The following NCOA7 variants were observed in gnomAD, a reference collection of about 807,000 sequenced individuals.
NCOA7 encodes 140 kDa estrogen receptor-associated protein.
A neutral mutation model predicts 104.3 loss-of-function variants in NCOA7; 45 were observed. The ratio of observed to expected loss-of-function variants is 0.43; its 90% CI spans 0.34 to 0.55. The LOEUF (loss-of-function observed/expected upper bound fraction) is 0.55. Ranked by LOEUF, NCOA7 falls within the 20% of genes least tolerant of loss-of-function variation. The pLI, the probability that NCOA7 is intolerant of heterozygous loss-of-function variation, is 0.02. For synonymous variants in NCOA7, 398 were observed against 402.3 expected, an observed-to-expected ratio of 0.99 and a Z score of 0.13; for missense variants, 1,041 against 1,119.7, an observed-to-expected ratio of 0.93 and a Z score of 1.00.
chr6:125,828,475 A>T (rs182998818), intron 2 of NCOA7, among the ~76,000 whole-genome samples: 6 of 152,312 alleles, frequency 3.9e-5, no homozygotes, highest in African/African-American at 1.4e-4. Flanking sequence ...CTTTTGGGAA[A>T]TCGGCTGGGA....
At chr6:125,794,736 CT>C (rs534146558) in intron 1 of NCOA7, among the ~76,000 whole-genome samples, 2 of 152,004 alleles carry the variant, frequency 1.3e-5, no homozygotes, top group Non-Finnish European at 2.9e-5. Flanking sequence ...TTTTACAAAA[CT>C]TTTTTTTAAA....
intron 8 of NCOA7, among the ~76,000 whole-genome samples, chr6:125,887,728 C>T (rs1784360002): frequency 6.6e-6 from 1 of 152,106 alleles, no homozygotes; most frequent in African/African-American, 2.4e-5. Flanking sequence ...AAAGTTTTAT[C>T]TGAAGATGAT....
chr6:125,826,686 A>G (rs959534550), intron 2 of NCOA7, among the ~76,000 whole-genome samples: 1 of 152,232 alleles, frequency 6.6e-6, no homozygotes, highest in Non-Finnish European at 1.5e-5. Flanking sequence ...CAAAACAAAT[A>G]TGGTCCTTGC....
intron 2 of NCOA7, among the ~76,000 whole-genome samples, chr6:125,834,644 C>G (rs1779464647): frequency 6.6e-6 from 1 of 152,176 alleles, no homozygotes; most frequent in African/African-American, 2.4e-5. Flanking sequence ...CTTTTAAGAC[C>G]TCACTGAAGT....
intron 1 of NCOA7, among the ~76,000 whole-genome samples, chr6:125,805,681 A>T (rs910577362): frequency 6.6e-6 from 1 of 152,210 alleles, no homozygotes; most frequent in African/African-American, 2.4e-5. Context: ...CTGAACAAAA[A>T]ATTTGGTGCA....
chr6:125,864,705 G>A (rs1008887960), intron 3 of NCOA7, among the ~76,000 whole-genome samples: 3 of 137,200 alleles, frequency 2.2e-5, no homozygotes, highest in Admixed American at 6.9e-5. Flanking sequence ...AAAATACGCC[G>A]AGTTTGCCAG....
At chr6:125,915,711 A>G (rs919473934) in intron 11 of NCOA7, among the ~76,000 whole-genome samples, 4 of 152,112 alleles carry the variant, frequency 2.6e-5, no homozygotes, top group African/African-American at 7.2e-5. Context: ...ATCTACTTAT[A>G]TTCTTACTCA....
chr6:125,889,567 A>G lies in NCOA7; in HGVS notation c.1513A>G (p.Ser505Gly). Residue 505 changes from serine (S) to glycine (G), a missense_variant, in exon 9 of 16, where the codon AGC (serine) becomes GGC (glycine). Physicochemically the swap from Ser to Gly is moderately conservative, Grantham distance 56 (BLOSUM62 0). Around this residue, in one of 2 missense-constraint regions of NCOA7, gnomAD observed 914 missense variants for 942.7 expected, o/e 0.97. Transcript: ENST00000392477. ...EVDKQSGSPE[S>G]RVENTLNIHE... Reference sequence around the variant, plus strand: ...GGACAAGCAGTCTGGTTCGCCAGAAAGCCGAGTAGAAAACACACTGAACAT... The same window carrying G: ...GGACAAGCAGTCTGGTTCGCCAGAAGGCCGAGTAGAAAACACACTGAACAT... 3 of 1,614,090 alleles carry G rather than the reference A, an allele frequency of 1.9e-6. No individual in the cohort carries two copies. The highest frequency in any genetic ancestry group is 1.7e-6 in the Non-Finnish European group (2 of 1,180,000).
At chr6:125,901,613 C>T (rs1198035000) in intron 10 of NCOA7, among the ~76,000 whole-genome samples, 3 of 152,156 alleles carry the variant, frequency 2.0e-5, no homozygotes, top group Non-Finnish European at 4.4e-5. Context: ...AGGGGTTGCC[C>T]ACGACCACTG....
At chr6:125,840,876 T>TTTTG (rs1780091212) in intron 2 of NCOA7, among the ~76,000 whole-genome samples, 1 of 16,660 alleles carries the variant, frequency 6.0e-5, no homozygotes, top group Non-Finnish European at 1.6e-4. Context: ...TGGTTTTTTT[T>TTTTG]TTTTTTTTTT....
chr6:125,925,007 G>A (rs1787907861), intron 13 of NCOA7, among the ~76,000 whole-genome samples: 1 of 152,164 alleles, frequency 6.6e-6, no homozygotes. Context: ...ATGCTCTACG[G>A]TAGGCATGGC....
intron 11 of NCOA7, among the ~76,000 whole-genome samples, chr6:125,916,602 T>G (rs1405185688): frequency 4.6e-5 from 7 of 152,188 alleles, no homozygotes; most frequent in Admixed American, 4.6e-4. Context: ...CACTTAGCAT[T>G]TCTTCTTTCC....
At position 125,804,171 on chromosome 6, in the gene NCOA7, C is replaced by CA. The variant is rs1776190466; in HGVS notation, c.-64-11113dup. 3.3e-5 allele frequency among the ~76,000 whole-genome samples: 5 copies of CA among 152,060 alleles called. No individual in the cohort carries two copies. In the South Asian group the frequency reaches 1.0e-3, roughly 32 times the overall value. ...TTGGACCGGAGCTAGAATATGTCTG[C>CA]AAAAAAATCAAACGGGCCAGAGAGT... On this transcript the variant is annotated intron_variant, in intron 1 of 15. Coordinates refer to ENST00000392477, the MANE Select transcript of NCOA7 (RefSeq NM_181782.5).
chr6:125,896,293 T>A (rs1339373311), intron 10 of NCOA7, among the ~76,000 whole-genome samples: 1 of 152,052 alleles, frequency 6.6e-6, no homozygotes, highest in Non-Finnish European at 1.5e-5. Context: ...CCCACCAGCA[T>A]AAGAGTATCC....
chr6:125,915,391 G>A lies in NCOA7; in HGVS notation c.2155G>A (p.Ala719Thr). The change falls in exon 11 of 16, where the codon GCC (alanine) becomes ACC (threonine). Residue 719 changes from alanine (A) to threonine (T), a missense_variant. Ala to Thr is a moderately conservative substitution (Grantham distance 58, BLOSUM62 0). Around this residue, in one of 2 missense-constraint regions of NCOA7, gnomAD observed 914 missense variants for 942.7 expected, o/e 0.97. Coordinates refer to ENST00000392477, the MANE Select transcript of NCOA7 (RefSeq NM_181782.5). ...QWSPDVYGKD[A>T]KEQGFVVVEK... Reference sequence around the variant, plus strand: ...GTCTCCCGATGTCTATGGAAAAGATGCCAAAGAGCAAGGCTTTGTGGTGGT... The same window carrying A: ...GTCTCCCGATGTCTATGGAAAAGATACCAAAGAGCAAGGCTTTGTGGTGGT... 6.2e-7 allele frequency: 1 copy of A among 1,613,894 alleles called. No homozygotes were observed. The highest frequency in any genetic ancestry group is 8.5e-7 in the Non-Finnish European group (1 of 1,179,840).
intron 2 of NCOA7, among the ~76,000 whole-genome samples, chr6:125,840,610 G>A (rs986488434): frequency 5.3e-5 from 8 of 151,150 alleles, no homozygotes; most frequent in African/African-American, 2.0e-4. Flanking sequence ...AACCTCCCAG[G>A]CTCAGGTGGT....
chr6:125,809,375 G>A (rs117326888), intron 1 of NCOA7, among the ~76,000 whole-genome samples: 4 of 152,206 alleles, frequency 2.6e-5, no homozygotes, highest in Admixed American at 6.5e-5. Flanking sequence ...TAGAGATGGA[G>A]TTTTGCCATG....
chr6:125,874,273 C>T (rs776707458), intron 3 of NCOA7, among the ~76,000 whole-genome samples: 4 of 152,070 alleles, frequency 2.6e-5, no homozygotes, highest in Non-Finnish European at 5.9e-5. Context: ...TGCAGTGAGC[C>T]GAGATCGTGC....
intron 10 of NCOA7, among the ~76,000 whole-genome samples, chr6:125,900,698 A>G (rs1485401960): frequency 6.6e-6 from 1 of 152,202 alleles, no homozygotes; most frequent in Non-Finnish European, 1.5e-5. Context: ...GGACCTGTCT[A>G]CAATGCATTG....
Sources: allele counts gnomAD v4.1 joint callset (sites outside exome capture counted in the v4.1 genomes callset), GRCh38; gene constraint gnomAD v4.1.1; regional missense constraint gnomAD v4.1.1; transcripts MANE v1.5; gene names NCBI Gene and HGNC (gene_info 2026-07-23, HGNC 2026-07-21).